Variants in VPS13B observed in about 807,000 individuals in gnomAD.
The protein encoded by VPS13B is vacuolar protein sorting 13 homolog B.
A neutral mutation model predicts 426.4 loss-of-function variants in VPS13B; 285 were observed. That is an observed-to-expected ratio of 0.67 (90% CI 0.61 to 0.74). VPS13B has a LOEUF of 0.74. Among genes scored for constraint, VPS13B ranks in the 30% least tolerant of loss-of-function variants. The probability of loss-of-function intolerance (pLI) is 0.00; values close to 1 mark genes in which losing one functional copy is unlikely to be tolerated. For missense variants in VPS13B, 4,537 were observed against 4,782.6 expected, an observed-to-expected ratio of 0.95 and a Z score of 1.51; for synonymous variants, 1,676 against 1,676.4, an observed-to-expected ratio of 1.00 and a Z score of 0.01.
intron 27 of VPS13B, among the ~76,000 whole-genome samples, chr8:99,504,129 T>C (rs1014991575): frequency 2.0e-5 from 3 of 152,176 alleles, no homozygotes; most frequent in African/African-American, 7.2e-5. Flanking sequence ...AAGCTCTTGA[T>C]TTCTTAGTTC....
rs1043179315 is a variant in VPS13B at position 99,875,984 on chromosome 8, A to G, written c.*318A>G. ...AGTGACAAAAACGTGTTCCTTCCCCACTTAGAGACAATGATTAACAGGGCC... is the reference window on the plus strand; with the variant it reads ...AGTGACAAAAACGTGTTCCTTCCCCGCTTAGAGACAATGATTAACAGGGCC... On this transcript the variant is annotated 3_prime_UTR_variant, in exon 62 of 62. Coordinates refer to ENST00000357162, the MANE Select transcript of VPS13B (RefSeq NM_152564.5). 1 of 376,636 alleles carries G rather than the reference A, an allele frequency of 2.7e-6. No homozygotes were observed. The highest frequency in any genetic ancestry group is 5.0e-6 in the Non-Finnish European group (1 of 201,568). 23.3% of individuals were successfully genotyped at this position (376,636 alleles called of 1,614,324 possible).
At chr8:99,384,111 C>T in intron 19 of VPS13B, 97 bp from the exon 20 acceptor site, 1 of 995,210 alleles carries the variant, frequency 1.0e-6, no homozygotes, top group East Asian at 2.4e-5. Flanking sequence ...TACTGTTTGT[C>T]TGTTATGTCA....
intron 2 of VPS13B, among the ~76,000 whole-genome samples, chr8:99,026,395 ATT>A (rs553816533): frequency 6.6e-6 from 1 of 152,228 alleles, no homozygotes; most frequent in East Asian, 1.9e-4. Context: ...TTTTTGGAGA[ATT>A]TTTTTGTGTG....
At chr8:99,236,173 A>G (rs1187101732) in intron 17 of VPS13B, among the ~76,000 whole-genome samples, 1 of 152,130 alleles carries the variant, frequency 6.6e-6, no homozygotes, top group Non-Finnish European at 1.5e-5. Flanking sequence ...TAGAGGCATT[A>G]TCTAAGGTCT....
chr8:99,197,611 G>A lies in VPS13B; in HGVS notation c.2515+4554G>A, dbSNP rs756211995. 7.9e-4 allele frequency among the ~76,000 whole-genome samples: 121 copies of A among 152,206 alleles called. No homozygotes were observed. The Middle Eastern group carries it at 0.01, about 13-fold the overall frequency. On this transcript the variant is annotated intron_variant, in intron 17 of 61. Coordinates refer to ENST00000357162, the MANE Select transcript of VPS13B (RefSeq NM_152564.5). ...ATTGTTCACAGTAGTCGATTCTGATGAGTCTCTATATTTCTGTTGTTTCTA... is the reference window on the plus strand; with the variant it reads ...ATTGTTCACAGTAGTCGATTCTGATAAGTCTCTATATTTCTGTTGTTTCTA...
At chr8:99,233,686 G>T in intron 17 of VPS13B, 2 of 802,652 alleles carry the variant, frequency 2.5e-6, no homozygotes, top group Non-Finnish European at 4.5e-6. Context: ...TTCTTTCCGG[G>T]TTGCATATGC....
chr8:99,326,692 CCCAG>C (rs1191972686), intron 19 of VPS13B, among the ~76,000 whole-genome samples: 2 of 151,792 alleles, frequency 1.3e-5, no homozygotes, highest in African/African-American at 4.8e-5. Flanking sequence ...AACCACCATG[CCCAG>C]CCATCCCTGC....
chr8:99,623,832 C>T (rs1368393532), intron 33 of VPS13B, among the ~76,000 whole-genome samples: 1 of 151,810 alleles, frequency 6.6e-6, no homozygotes, highest in African/African-American at 2.4e-5. Context: ...ATATACTTTC[C>T]CTCAGCTTTT....
chr8:99,230,462 A>G (rs1816261678), intron 17 of VPS13B, among the ~76,000 whole-genome samples: 1 of 152,192 alleles, frequency 6.6e-6, no homozygotes, highest in Non-Finnish European at 1.5e-5. Flanking sequence ...CCCCTCCAAA[A>G]TATTGACTTG....
At chr8:99,193,291 C>T (rs1419224306) in intron 17 of VPS13B, among the ~76,000 whole-genome samples, 3 of 152,122 alleles carry the variant, frequency 2.0e-5, no homozygotes, top group Admixed American at 6.5e-5. Flanking sequence ...TTATTTTTCA[C>T]CAGCTTCTTG....
At chr8:99,605,760 T>TA (rs1300550031) in intron 33 of VPS13B, among the ~76,000 whole-genome samples, 1 of 152,218 alleles carries the variant, frequency 6.6e-6, no homozygotes, top group Non-Finnish European at 1.5e-5. Context: ...GGTGGGTGGA[T>TA]CTAGGTTCTC....
chr8:99,544,803 T>C (rs1823874028), intron 30 of VPS13B, among the ~76,000 whole-genome samples: 1 of 152,218 alleles, frequency 6.6e-6, no homozygotes, highest in African/African-American at 2.4e-5. Flanking sequence ...AAGCCCTGCC[T>C]AATAATAGGC....
intron 58 of VPS13B, among the ~76,000 whole-genome samples, chr8:99,864,449 T>C (rs1419821912): frequency 6.6e-6 from 1 of 152,032 alleles, no homozygotes; most frequent in Non-Finnish European, 1.5e-5. Flanking sequence ...GCCCAGCTAC[T>C]CAGGAGGCTG....
At chr8:99,193,558 TATC>T (rs1192815018) in intron 17 of VPS13B, among the ~76,000 whole-genome samples, 1 of 152,160 alleles carries the variant, frequency 6.6e-6, no homozygotes, top group African/African-American at 2.4e-5. Context: ...ATCTTCATCT[TATC>T]ACTCAGTTTG....
At chr8:99,763,224 T>C (rs1811038939) in intron 39 of VPS13B, among the ~76,000 whole-genome samples, 1 of 149,844 alleles carries the variant, frequency 6.7e-6, no homozygotes, top group Non-Finnish European at 1.5e-5. Flanking sequence ...TGAATCCCGA[T>C]AGATCTGATC....
At chr8:99,334,955 C>T (rs1269844182) in intron 19 of VPS13B, among the ~76,000 whole-genome samples, 2 of 151,956 alleles carry the variant, frequency 1.3e-5, no homozygotes, top group African/African-American at 2.4e-5. Context: ...TCTTATACCT[C>T]GGTAGAATTC....
Position 99,835,250 on chromosome 8 carries a change from C to T in VPS13B, c.9668C>T (p.Ser3223Leu). ...CTCGGAGTGACTTATTTAACCCTCT[C>T]AGAAGACCCTAGTCCTCGAGTAATT... is the stretch of plus-strand genomic sequence containing the variant. The part of the protein sequence containing the change: ...EHLGVTYLTL[S>L]EDPSPRVIIH... The change falls in exon 53 of 62, where the codon TCA (serine) becomes TTA (leucine). Residue 3223 changes from serine to leucine, a missense_variant. Physicochemically the swap from Ser to Leu is moderately radical, Grantham distance 145 (BLOSUM62 -2). Around this residue, in one of 2 missense-constraint regions of VPS13B, gnomAD observed 4,311 missense variants for 4,474.3 expected, o/e 0.96. Transcript: ENST00000357162. 2 of 1,613,962 alleles carry T rather than the reference C, an allele frequency of 1.2e-6. No homozygotes were observed. Among genetic ancestry groups the T allele is most frequent in the Non-Finnish European group, 1.7e-6 (2 of 1,179,936 alleles).
At chr8:99,464,870 T>G (rs1363087652) in intron 23 of VPS13B, among the ~76,000 whole-genome samples, 1 of 152,154 alleles carries the variant, frequency 6.6e-6, no homozygotes, top group Non-Finnish European at 1.5e-5. Flanking sequence ...GAGAATTGTT[T>G]TGTTTGTATT....
chr8:99,839,465 AG>A (rs1278135304), intron 54 of VPS13B, among the ~76,000 whole-genome samples: 1 of 152,240 alleles, frequency 6.6e-6, no homozygotes, highest in African/African-American at 2.4e-5. Context: ...AATGCAGTAA[AG>A]GGAAGATAAA....
Sources: gnomAD v4.1 joint callset for allele counts (sites outside exome capture counted in the v4.1 genomes callset) on GRCh38, gnomAD v4.1.1 for gene constraint, gnomAD v4.1.1 regional missense constraint, MANE v1.5 for transcripts, NCBI Gene and HGNC (gene_info 2026-07-23, HGNC 2026-07-21) for gene names.